The following SULF1 variants were observed in gnomAD, a reference collection of about 807,000 sequenced individuals.
SULF1 encodes extracellular sulfatase Sulf-1.
A neutral mutation model predicts 110.5 loss-of-function variants in SULF1; 46 were observed. The ratio of observed to expected loss-of-function variants is 0.42; its 90% CI spans 0.33 to 0.53. The LOEUF is 0.53. Among genes scored for constraint, SULF1 ranks in the 20% least tolerant of loss-of-function variants. SULF1 has a pLI of 0.12. For missense variants in SULF1, 941 were observed against 1,094.2 expected (o/e 0.86, Z 1.98); for synonymous variants, 371 against 387.1 (o/e 0.96, Z 0.49).
intron 3 of SULF1, 103 bp from the exon 4 acceptor site, chr8:69,563,436 A>G (rs905704732): frequency 1.3e-5 from 2 of 153,162 alleles, no homozygotes; most frequent in Non-Finnish European, 2.9e-5. Context: ...TATGTAATAT[A>G]TACACATATA....
chr8:69,511,498 G>T (rs1404900778), intron 3 of SULF1, among the ~76,000 whole-genome samples: 1 of 152,214 alleles, frequency 6.6e-6, no homozygotes, highest in Non-Finnish European at 1.5e-5. Flanking sequence ...AGAGCTGCAT[G>T]CTGAGCTTCA....
Position 69,601,752 on chromosome 8 carries a change from G to A in SULF1, c.984G>A (p.Lys328=). 6.2e-7 allele frequency: 1 copy of A among 1,613,552 alleles called. No individual in the cohort carries two copies. Among genetic ancestry groups the A allele is most frequent in the Admixed American group, 1.7e-5 (1 of 59,898 alleles). ...ATATTGGGCAGTTTGGACTGGTCAA[G>A]GGGAAATCCATGCCATATGACTTTG... ...GYHIGQFGLV[K]GKSMPYDFDI... The change falls in exon 10 of 23, where the codon AAG becomes AAA. Residue 328 remains lysine (K), a synonymous_variant. Transcript: ENST00000402687.
At chr8:69,629,404 A>G in intron 18 of SULF1, 100 bp from the exon 19 acceptor site, 1 of 1,237,038 alleles carries the variant, frequency 8.1e-7, no homozygotes, top group South Asian at 1.5e-5. Context: ...ATCTCTTATC[A>G]AGGCATCTAA....
At chr8:69,578,533 C>T (rs16936129) in intron 6 of SULF1, among the ~76,000 whole-genome samples, 5,058 of 126,928 alleles carry the variant, frequency 0.04, 263 homozygotes, top group African/African-American at 0.13. Flanking sequence ...ACTGACGTTC[C>T]AATGGGAAGA....
At chr8:69,567,491 G>A (rs765867799) in intron 5 of SULF1, among the ~76,000 whole-genome samples, 10 of 151,826 alleles carry the variant, frequency 6.6e-5, no homozygotes, top group Non-Finnish European at 8.8e-5. Context: ...AGCAACTCCC[G>A]TTTCTCTCTC....
At chr8:69,568,102 G>C (rs1804925505) in intron 5 of SULF1, among the ~76,000 whole-genome samples, 1 of 152,112 alleles carries the variant, frequency 6.6e-6, no homozygotes, top group Admixed American at 6.5e-5. Context: ...TTTTACTCCA[G>C]TGCAATTTTC....
chr8:69,474,033 C>T (rs1447376485), intron 1 of SULF1, among the ~76,000 whole-genome samples: 1 of 152,110 alleles, frequency 6.6e-6, no homozygotes, highest in African/African-American at 2.4e-5. Context: ...AAGTGTCTTC[C>T]CATTTTCCTG....
At chr8:69,538,840 C>G (rs1813652565) in intron 3 of SULF1, among the ~76,000 whole-genome samples, 1 of 152,072 alleles carries the variant, frequency 6.6e-6, no homozygotes, top group African/African-American at 2.4e-5. Flanking sequence ...TTACAGGTGC[C>G]TGCCACCATG....
At chr8:69,549,756 G>T (rs1391563055) in intron 3 of SULF1, among the ~76,000 whole-genome samples, 1 of 152,130 alleles carries the variant, frequency 6.6e-6, no homozygotes, top group Non-Finnish European at 1.5e-5. Context: ...TTCACCTTCT[G>T]CCTTGTCACC....
chr8:69,501,012 G>A (rs1231943801), intron 2 of SULF1, among the ~76,000 whole-genome samples: 1 of 152,112 alleles, frequency 6.6e-6, no homozygotes, highest in African/African-American at 2.4e-5. Flanking sequence ...CAGGCCTATG[G>A]AGGGAAAAAA....
intron 13 of SULF1, among the ~76,000 whole-genome samples, chr8:69,611,759 A>T (rs192391559): frequency 2.0e-5 from 3 of 152,262 alleles, no homozygotes; most frequent in Non-Finnish European, 4.4e-5. Context: ...GTCATAAGAC[A>T]TATGGTAACC....
intron 1 of SULF1, among the ~76,000 whole-genome samples, chr8:69,482,647 G>A (rs978601516): frequency 6.6e-6 from 1 of 151,518 alleles, no homozygotes; most frequent in Non-Finnish European, 1.5e-5. Flanking sequence ...GGGGCAAGTC[G>A]TTAACCATAA....
chr8:69,520,349 A>G (rs899673455), intron 3 of SULF1, among the ~76,000 whole-genome samples: 5 of 152,126 alleles, frequency 3.3e-5, no homozygotes, highest in Non-Finnish European at 7.4e-5. Flanking sequence ...TCAGCTGTGA[A>G]TGAGATGTCA....
chr8:69,608,445 C>T (rs1030061935), intron 13 of SULF1, among the ~76,000 whole-genome samples: 3 of 152,092 alleles, frequency 2.0e-5, no homozygotes, highest in African/African-American at 4.8e-5. Flanking sequence ...TTTGGGAGCC[C>T]GAGGCGGGCA....
Position 69,495,789 on chromosome 8 carries a change from G to A in SULF1, c.-366G>A, listed in dbSNP as rs901489689. The A allele has an allele frequency of 6.6e-6, 1 of 152,166 alleles. No homozygotes were observed. Among genetic ancestry groups the A allele is most frequent in the Non-Finnish European group, 1.5e-5 (1 of 68,030 alleles). 9.4% of individuals were successfully genotyped at this position (152,166 alleles called of 1,614,324 possible). A position where few individuals can be genotyped will look rare whatever the true frequency, so the allele number is the denominator to read the frequency against. On this transcript the variant is annotated 5_prime_UTR_variant, in exon 2 of 23. Coordinates refer to ENST00000402687, the MANE Select transcript of SULF1 (RefSeq NM_001128205.2). Reference sequence around the variant, plus strand: ...GGGATTCTTCACTTCTCTTGAACAAGGAACTCACTCAGAGACTAACACAAA... The same window carrying A: ...GGGATTCTTCACTTCTCTTGAACAAAGAACTCACTCAGAGACTAACACAAA...
At chr8:69,474,576 T>G (rs1809224911) in intron 1 of SULF1, among the ~76,000 whole-genome samples, 1 of 152,198 alleles carries the variant, frequency 6.6e-6, no homozygotes, top group Admixed American at 6.5e-5. Flanking sequence ...TTCTGAGAAC[T>G]TTATGCTGGT....
chr8:69,473,443 C>T (rs556979629), intron 1 of SULF1: 1 of 152,046 alleles, frequency 6.6e-6, no homozygotes, highest in Non-Finnish European at 1.5e-5. Context: ...AATTTTGGGT[C>T]GTACTAATCA....
intron 1 of SULF1, 26 bp from the exon 2 acceptor site, chr8:69,495,739 T>C (rs1810304363): frequency 6.6e-6 from 1 of 152,238 alleles, no homozygotes; most frequent in Admixed American, 6.5e-5. Context: ...GTAATACTTA[T>C]CAAAAACAAA....
chr8:69,552,225 T>C (rs1814775222), intron 3 of SULF1, among the ~76,000 whole-genome samples: 1 of 152,238 alleles, frequency 6.6e-6, no homozygotes, highest in South Asian at 2.1e-4. Context: ...GGCCTTTATT[T>C]AAGGGTTGTC....
Sources: allele counts gnomAD v4.1 joint callset (sites outside exome capture counted in the v4.1 genomes callset), GRCh38; gene constraint gnomAD v4.1.1; transcripts MANE v1.5; gene names NCBI Gene and HGNC (gene_info 2026-07-23, HGNC 2026-07-21).